The following ZNF804A variants were observed in gnomAD, a reference collection of about 807,000 sequenced individuals.
ZNF804A encodes the protein zinc finger protein 804A.
A neutral mutation model predicts 16.5 loss-of-function variants in ZNF804A; 2 were observed. The ratio of observed to expected loss-of-function variants is 0.12; its 90% CI spans 0.05 to 0.38. The LOEUF (loss-of-function observed/expected upper bound fraction) is 0.38, where lower values mean the gene tolerates loss of function less well. ZNF804A is among the 10% of genes least tolerant of loss of function. The pLI is 0.99. For synonymous variants in ZNF804A, 534 were observed against 489.6 expected, an observed-to-expected ratio of 1.09 and a Z score of -1.20; for missense variants, 1,473 against 1,390.7, an observed-to-expected ratio of 1.06 and a Z score of -0.94.
At chr2:184,641,449 A>C (rs753627337) in intron 1 of ZNF804A, among the ~76,000 whole-genome samples, 12 of 152,150 alleles carry the variant, frequency 7.9e-5, no homozygotes, top group Admixed American at 2.6e-4. Context: ...AGCTTTGTGG[A>C]GTAATGGAAA....
intron 1 of ZNF804A, among the ~76,000 whole-genome samples, chr2:184,730,338 G>C (rs146453646): frequency 3.5e-4 from 53 of 152,088 alleles, no homozygotes; most frequent in African/African-American, 1.3e-3. Context: ...ACCCCTACCA[G>C]AGTAGTATAT....
chr2:184,822,341 T>G (rs1159388692), intron 1 of ZNF804A, among the ~76,000 whole-genome samples: 1 of 152,064 alleles, frequency 6.6e-6, no homozygotes, highest in African/African-American at 2.4e-5. Context: ...TTCTCAGTTG[T>G]AAGTGGGAAC....
chr2:184,889,917 C>T (rs75952632), intron 2 of ZNF804A, among the ~76,000 whole-genome samples: 5,986 of 152,054 alleles, frequency 0.039, 374 homozygotes, highest in African/African-American at 0.13. Context: ...CAATTATTCC[C>T]CCATTTTCAC....
Position 184,598,778 on chromosome 2 carries a change from G to A in ZNF804A, c.-182G>A. On this transcript the variant is annotated 5_prime_UTR_variant, in exon 1 of 4. Coordinates refer to ENST00000302277, the MANE Select transcript of ZNF804A (RefSeq NM_194250.2). ...AGAGCGCGGCGAGCATGCGGAGGCG[G>A]GGGAGCCTCGGCGCTCACCACAGAG... 2 of 381,656 alleles carry A rather than the reference G, an allele frequency of 5.2e-6. No individual in the cohort carries two copies. Among genetic ancestry groups the A allele is most frequent in the Non-Finnish European group, 9.2e-6 (2 of 217,610 alleles). The allele number at this position is 381,656 out of a possible 1,614,324, so 23.6% of individuals were successfully genotyped here. A position where few individuals can be genotyped will look rare whatever the true frequency, so the allele number is the denominator to read the frequency against.
intron 2 of ZNF804A, among the ~76,000 whole-genome samples, chr2:184,909,736 G>T (rs1574266860): frequency 6.6e-6 from 1 of 151,628 alleles, no homozygotes; most frequent in South Asian, 2.1e-4. Context: ...CCTTTTGTCT[G>T]CAGGGTCTGA....
At chr2:184,645,897 T>A (rs778732660) in intron 1 of ZNF804A, among the ~76,000 whole-genome samples, 41 of 152,304 alleles carry the variant, frequency 2.7e-4, no homozygotes, top group Middle Eastern at 3.4e-3. Context: ...CCCCAATACA[T>A]GAGAGAGGCA....
rs562718939 is a variant in ZNF804A, at chr2:184,626,427, C to T, written c.111+27357C>T. On this transcript the variant is annotated intron_variant, in intron 1 of 3. Coordinates refer to ENST00000302277, the MANE Select transcript of ZNF804A (RefSeq NM_194250.2). Reference sequence around the variant, plus strand: ...TTGAAACTATTTTGTATGCTTACTACTTGATAGAAATTAAAATCCACATTT... The same window carrying T: ...TTGAAACTATTTTGTATGCTTACTATTTGATAGAAATTAAAATCCACATTT... Among the ~76,000 whole-genome samples the T allele has an allele frequency of 3.9e-5, 6 of 152,128 alleles. No individual in the cohort carries two copies. In the East Asian group the frequency reaches 1.2e-3, roughly 29 times the overall value.
At chr2:184,820,115 C>A (rs187743279) in intron 1 of ZNF804A, among the ~76,000 whole-genome samples, 9 of 151,684 alleles carry the variant, frequency 5.9e-5, no homozygotes, top group Non-Finnish European at 1.3e-4. Flanking sequence ...ATACAACAAA[C>A]AAAGGAAACT....
Position 184,933,626 on chromosome 2 carries a change from G to C in ZNF804A, c.279G>C (p.Arg93Ser). 1.2e-6 allele frequency: 2 copies of C among 1,603,726 alleles called. No individual in the cohort carries two copies. The highest frequency in any genetic ancestry group is 1.7e-6 in the Non-Finnish European group (2 of 1,176,820). Residue 93 changes from arginine (R) to serine (S), a missense_variant, in exon 3 of 4, where the codon AGG becomes AGC. Coordinates refer to ENST00000302277, the MANE Select transcript of ZNF804A (RefSeq NM_194250.2). ...AGAGGCTCAAGGAACTGAAACAAAG[G>C]GAATTTGCTCGAAATGTAGCATCTA... ...HKQRLKELKQ[R>S]EFARNVASKS...
intron 2 of ZNF804A, among the ~76,000 whole-genome samples, chr2:184,909,026 A>C (rs1685320211): frequency 6.6e-6 from 1 of 152,114 alleles, no homozygotes; most frequent in African/African-American, 2.4e-5. Flanking sequence ...CAGTTTCATA[A>C]GTTGAAATTT....
At chr2:184,607,925 T>TTGA (rs1691175619) in intron 1 of ZNF804A, among the ~76,000 whole-genome samples, 1 of 148,160 alleles carries the variant, frequency 6.7e-6, no homozygotes, top group Admixed American at 6.8e-5. Context: ...ATGGAGAACC[T>TTGA]TGATGCATCT....
intron 1 of ZNF804A, among the ~76,000 whole-genome samples, chr2:184,658,912 G>C (rs184579763): frequency 1.3e-3 from 191 of 152,322 alleles, no homozygotes; most frequent in Admixed American, 3.0e-3. Flanking sequence ...CCAGTGCAGA[G>C]AGGAGCTATA....
At chr2:184,901,269 A>G (rs1390920612) in intron 2 of ZNF804A, among the ~76,000 whole-genome samples, 2 of 152,188 alleles carry the variant, frequency 1.3e-5, no homozygotes, top group Non-Finnish European at 2.9e-5. Flanking sequence ...TACAAAGGAT[A>G]AAGAGGAGGG....
At chr2:184,629,288 C>A (rs571162408) in intron 1 of ZNF804A, among the ~76,000 whole-genome samples, 6 of 152,088 alleles carry the variant, frequency 3.9e-5, no homozygotes, top group Non-Finnish European at 7.4e-5. Context: ...CAATATCTTT[C>A]CTGCATTCCT....
At chr2:184,659,350 A>C (rs1054792663) in intron 1 of ZNF804A, among the ~76,000 whole-genome samples, 1 of 152,166 alleles carries the variant, frequency 6.6e-6, no homozygotes, top group African/African-American at 2.4e-5. Flanking sequence ...TCCTCTCAGT[A>C]ATAGTAATAT....
At chr2:184,762,218 T>C (rs1694046525) in intron 1 of ZNF804A, among the ~76,000 whole-genome samples, 1 of 151,598 alleles carries the variant, frequency 6.6e-6, no homozygotes, top group Admixed American at 6.6e-5. Context: ...TTTCTTTTTT[T>C]TTTTTGCCTA....
chr2:184,896,604 TTTC>T lies in ZNF804A; in HGVS notation c.255+30095_255+30097del, dbSNP rs540117464. Among the ~76,000 whole-genome samples, 1,312 of 152,238 alleles carry T rather than the reference TTTC, an allele frequency of 8.6e-3. 17 individuals are homozygous for T. Among genetic ancestry groups the T allele is most frequent in the Non-Finnish European group, 0.014 (948 of 67,998 alleles). On this transcript the variant is annotated intron_variant, in intron 2 of 3. Coordinates refer to ENST00000302277, the MANE Select transcript of ZNF804A (RefSeq NM_194250.2). Reference sequence around the variant, plus strand: ...GAAATTTGACAGGATTGGCCTGAATTTTCTTATTTTGAAAACCTGTACCTTAGC... The same window carrying T: ...GAAATTTGACAGGATTGGCCTGAATTTTATTTTGAAAACCTGTACCTTAGC...
intron 1 of ZNF804A, among the ~76,000 whole-genome samples, chr2:184,685,046 C>T (rs1011538994): frequency 2.6e-5 from 4 of 152,126 alleles, no homozygotes; most frequent in African/African-American, 9.7e-5. Context: ...CTGGATCCTA[C>T]ACCTGCCAAG....
intron 1 of ZNF804A, among the ~76,000 whole-genome samples, chr2:184,761,305 T>C (rs1419429218): frequency 6.6e-6 from 1 of 152,176 alleles, no homozygotes; most frequent in Non-Finnish European, 1.5e-5. Context: ...TAAGGTTTTA[T>C]GAAAAGAAAA....
Sources: allele counts gnomAD v4.1 joint callset (sites outside exome capture counted in the v4.1 genomes callset), GRCh38; gene constraint gnomAD v4.1.1; transcripts MANE v1.5; gene names NCBI Gene and HGNC (gene_info 2026-07-23, HGNC 2026-07-21).